The following GAD1 variants were observed in gnomAD, a reference collection of about 807,000 sequenced individuals.
The protein encoded by GAD1 is glutamate decarboxylase 1.
GAD1 carries 35 observed loss-of-function variants against 75.2 expected under a neutral mutation model. The observed-to-expected ratio is 0.47, with a 90% CI of 0.36 to 0.62. The LOEUF (loss-of-function observed/expected upper bound fraction) is 0.62, where lower values mean the gene tolerates loss of function less well. Among genes scored for constraint, GAD1 ranks in the 20% least tolerant of loss-of-function variants. GAD1 has a pLI of 0.00. For synonymous variants in GAD1, 257 were observed against 271.9 expected (o/e 0.95, Z 0.54); for missense variants, 490 against 758.5 (o/e 0.65, Z 4.16).
intron 16 of GAD1, 132 bp downstream of exon 16, chr2:170,859,025 G>A (rs550754076): frequency 1.3e-6 from 1 of 798,362 alleles, no homozygotes; most frequent in Non-Finnish European, 2.1e-6. Flanking sequence ...TCTAGTAATG[G>A]GGTGGTGGGG....
chr2:170,824,114 G>T (rs1701966399), intron 3 of GAD1, among the ~76,000 whole-genome samples: 1 of 152,196 alleles, frequency 6.6e-6, no homozygotes, highest in South Asian at 2.1e-4. Context: ...GCTCCTGGGG[G>T]CTACAGTCCT....
At chr2:170,841,352 G>C (rs1702511297) in intron 6 of GAD1, among the ~76,000 whole-genome samples, 1 of 151,998 alleles carries the variant, frequency 6.6e-6, no homozygotes. Context: ...TTTTTTACTT[G>C]GAGAGAAGGA....
intron 12 of GAD1, 118 bp downstream of exon 12, chr2:170,849,468 C>T (rs974776645): frequency 2.1e-5 from 20 of 950,074 alleles, no homozygotes; most frequent in East Asian, 7.7e-5. Context: ...TCTAAGTTTG[C>T]TTCAGTTCAG....
intron 5 of GAD1, 83 bp from the exon 6 acceptor site, chr2:170,836,710 T>C (rs1702385861): frequency 2.2e-6 from 2 of 896,426 alleles, no homozygotes; most frequent in African/African-American, 3.3e-5. Context: ...CCCATCAGTG[T>C]GACCCAGTGG....
intron 5 of GAD1, among the ~76,000 whole-genome samples, chr2:170,834,978 G>T (rs938304904): frequency 6.6e-6 from 1 of 151,924 alleles, no homozygotes; most frequent in Admixed American, 6.6e-5. Flanking sequence ...CACCATGTTG[G>T]CCAGGCTGGT....
chr2:170,816,625 A>G (rs987926229), upstream of GAD1: 16 of 150,144 alleles, frequency 1.1e-4, no homozygotes, highest in African/African-American at 3.7e-4. Flanking sequence ...TTCCAAAGGA[A>G]AAAAAAAAAG....
intron 5 of GAD1, among the ~76,000 whole-genome samples, chr2:170,835,535 A>T (rs1172240823): frequency 6.6e-6 from 1 of 152,232 alleles, no homozygotes; most frequent in Admixed American, 6.5e-5. Context: ...ACCATAAGCT[A>T]AAAATAAGAT....
intron 5 of GAD1, among the ~76,000 whole-genome samples, chr2:170,833,972 C>T (rs1490200272): frequency 6.6e-6 from 1 of 151,058 alleles, no homozygotes; most frequent in East Asian, 1.9e-4. Context: ...TGCACCACTC[C>T]AGCCTGGGTG....
chr2:170,832,007 C>T (rs1043714612), intron 5 of GAD1, among the ~76,000 whole-genome samples: 1 of 151,920 alleles, frequency 6.6e-6, no homozygotes, highest in African/African-American at 2.4e-5. Context: ...CTATTCACAA[C>T]CTAAAGAGAG....
chr2:170,829,673 A>G, intron 4 of GAD1, 40 bp downstream of exon 4: 4 of 1,598,996 alleles, frequency 2.5e-6, no homozygotes, highest in Non-Finnish European at 3.4e-6. Flanking sequence ...TAGCCAGTAG[A>G]TTTCTTATTT....
At chr2:170,832,664 G>GCGCA (rs1383855055) in intron 5 of GAD1, among the ~76,000 whole-genome samples, 18 of 78,968 alleles carry the variant, frequency 2.3e-4, no homozygotes, top group Middle Eastern at 5.8e-3. Context: ...GCGCGCGCGC[G>GCGCA]CACACACACA....
At position 170,860,242 on chromosome 2, in the gene GAD1, GTCC is replaced by G. The variant is rs1412077041; in HGVS notation, c.*361_*363del. The G allele has an allele frequency of 4.7e-6, 1 of 212,696 alleles. No homozygotes were observed. Among genetic ancestry groups the G allele is most frequent in the Non-Finnish European group, 9.6e-6 (1 of 104,266 alleles). 13.2% of individuals were successfully genotyped at this position (212,696 alleles called of 1,614,324 possible). A position where few individuals can be genotyped will look rare whatever the true frequency, so the allele number is the denominator to read the frequency against. ...AGCTAAACATGCTGCCAACCAGCTT[GTCC>G]AACAACTCCAGGAAAACTGTTTTTC... On this transcript the variant is annotated 3_prime_UTR_variant, in exon 17 of 17. Coordinates refer to ENST00000358196, the MANE Select transcript of GAD1 (RefSeq NM_000817.3).
At chr2:170,829,299 C>T in intron 3 of GAD1, 176 bp from the exon 4 acceptor site, 1 of 689,682 alleles carries the variant, frequency 1.4e-6, no homozygotes. Context: ...TTGGCACTGC[C>T]CCCCTCCCTG....
At chr2:170,858,632 G>T (rs1702900596) in intron 15 of GAD1, among the ~76,000 whole-genome samples, 172 bp from the exon 16 acceptor site, 1 of 152,120 alleles carries the variant, frequency 6.6e-6, no homozygotes, top group African/African-American at 2.4e-5. Flanking sequence ...ACATATGATT[G>T]GATAAATGAG....
chr2:170,851,771 C>T (rs1481491940), intron 12 of GAD1, among the ~76,000 whole-genome samples: 5 of 152,194 alleles, frequency 3.3e-5, no homozygotes, highest in South Asian at 4.1e-4. Context: ...TTCTGTAATG[C>T]CCTAGCTAGT....
intron 14 of GAD1, 56 bp downstream of exon 14, chr2:170,854,078 T>C: frequency 6.3e-7 from 1 of 1,598,178 alleles, no homozygotes; most frequent in Admixed American, 1.7e-5. Context: ...ACAGACTGGC[T>C]GGCAAAAGAG....
chr2:170,831,690 AAAT>A (rs1255587533), intron 5 of GAD1, among the ~76,000 whole-genome samples: 147 of 144,598 alleles, frequency 1.0e-3, no homozygotes, highest in South Asian at 4.0e-3. Flanking sequence ...TATAATAAAT[AAAT>A]AATAATTATA....
At chr2:170,840,227 G>A (rs971367491) in intron 6 of GAD1, among the ~76,000 whole-genome samples, 2 of 152,172 alleles carry the variant, frequency 1.3e-5, no homozygotes, top group African/African-American at 2.4e-5. Flanking sequence ...AAGGTACAGT[G>A]TTTGCACCTA....
intron 10 of GAD1, 86 bp from the exon 11 acceptor site, chr2:170,847,590 A>G (rs185506136): frequency 3.2e-4 from 295 of 924,426 alleles, no homozygotes; most frequent in Admixed American, 9.6e-4. Flanking sequence ...TTAGAAATAA[A>G]TGTTACACAA....
Sources: allele counts gnomAD v4.1 joint callset (sites outside exome capture counted in the v4.1 genomes callset), GRCh38; gene constraint gnomAD v4.1.1; transcripts MANE v1.5; gene names NCBI Gene and HGNC (gene_info 2026-07-23, HGNC 2026-07-21).